The following IFI30 variants were observed in gnomAD, a reference collection of about 807,000 sequenced individuals.
The protein encoded by IFI30 is IFI30 lysosomal thiol reductase.
A neutral mutation model predicts 30.1 loss-of-function variants in IFI30; 26 were observed. That is an observed-to-expected ratio of 0.87 (90% CI 0.63 to 1.20). The LOEUF (loss-of-function observed/expected upper bound fraction) is 1.20, where lower values mean the gene tolerates loss of function less well. Ranked by LOEUF, IFI30 falls within the 50% of genes most tolerant of loss-of-function variation. IFI30 has a pLI of 0.00. For synonymous variants in IFI30, 149 were observed against 134.5 expected (o/e 1.11, Z -0.75); for missense variants, 296 against 312.5 (o/e 0.95, Z 0.40).
Position 18,175,068 on chromosome 19 carries a change from T to C in IFI30, c.161T>C (p.Leu54Pro), listed in dbSNP as rs755549967. ...KTGNLYLRGP[L>P]KKSNAPLVNV... The stretch of plus-strand genomic sequence containing the variant: ...GGCAATCTATACCTGCGGGGGCCCC[T>C]GAAGAAGTCCAATGCACCGCTTGTC... The change falls in exon 2 of 7, where the codon CTG (leucine) becomes CCG (proline). Residue 54 changes from leucine to proline, a missense_variant. Transcript: ENST00000407280. 3.1e-6 allele frequency: 5 copies of C among 1,613,662 alleles called. No individual in the cohort carries two copies. Among genetic ancestry groups the C allele is most frequent in the Admixed American group, 1.7e-5 (1 of 59,962 alleles).
rs749642774 is a variant in IFI30 at position 18,177,717 on chromosome 19, T to G, written c.643T>G (p.Leu215Val). The change falls in exon 6 of 7, where the codon TTG (leucine) becomes GTG (valine). Residue 215 changes from leucine to valine, a missense_variant. By Grantham distance (32) the Leu-to-Val change is conservative (BLOSUM62 1). Transcript: ENST00000407280. ...CCTGTCTTGCTTTGTGCAGAAACCC[T>G]TGGAAGATCAGACCCAGCTCCTTAC... ...VPWVTVNGKPLEDQTQLLTLV... is the reference protein window; with the variant it reads ...VPWVTVNGKPVEDQTQLLTLV... 2 of 1,613,850 alleles carry G rather than the reference T, an allele frequency of 1.2e-6. No individual in the cohort carries two copies. The highest frequency in any genetic ancestry group is 3.3e-5 in the Admixed American group (2 of 59,990).
chr19:18,177,090 G>A lies in IFI30; in HGVS notation c.484-50G>A, dbSNP rs777967633. ...CTCAGGGCTGGTGGGCGGGACCGTT[G>A]AGATAACGGGGAGGAAGCTGAGGCA... On this transcript the variant is annotated intron_variant, in intron 4 of 6. Transcript: ENST00000407280. The A allele has an allele frequency of 8.7e-6, 13 of 1,492,262 alleles. No individual in the cohort carries two copies. In the East Asian group the frequency reaches 3.0e-4, roughly 34 times the overall value. The allele number at this position is 1,492,262 out of a possible 1,614,324, so 92.4% of individuals were successfully genotyped here. A position where few individuals can be genotyped will look rare whatever the true frequency, so the allele number is the denominator to read the frequency against.
chr19:18,174,264 G>T (rs1254334087), intron 1 of IFI30: 5 of 325,476 alleles, frequency 1.5e-5, no homozygotes, highest in Non-Finnish European at 2.3e-5. Flanking sequence ...AGGAGCTGGG[G>T]TCTCCTTTTG....
At position 18,173,933 on chromosome 19, in the gene IFI30, C is replaced by A. The variant is rs778500182; in HGVS notation, c.92C>A (p.Ala31Glu). 22 of 1,551,534 alleles carry A rather than the reference C, an allele frequency of 1.4e-5. No homozygotes were observed. The highest frequency in any genetic ancestry group is 1.7e-5 in the Non-Finnish European group (19 of 1,147,270). The change falls in exon 1 of 7, where the codon GCG becomes GAG. Residue 31 changes from alanine (A) to glutamate (E), a missense_variant. Transcript: ENST00000407280. ...TAAVQASPLQ[A>E]LDFFGNGPPV... ...GCGGTGCAGGCGTCCCCTCTGCAAG[C>A]GTTAGACTTCTTTGGGAATGGGCCA... is the stretch of plus-strand genomic sequence containing the variant.
intron 3 of IFI30, 36 bp downstream of exon 3, chr19:18,175,421 A>G (rs1967257105): frequency 6.4e-7 from 1 of 1,552,422 alleles, no homozygotes; most frequent in Non-Finnish European, 8.7e-7. Flanking sequence ...GGGGTGGGGG[A>G]AAACTGTCCC....
intron 1 of IFI30, 118 bp from the exon 2 acceptor site, chr19:18,174,922 G>T: frequency 1.3e-6 from 1 of 747,588 alleles, no homozygotes. Flanking sequence ...AGTTCTGGAA[G>T]GCGTGCAAGA....
rs776818865 is a variant in IFI30 at position 18,177,169 on chromosome 19, G to A, written c.513G>A (p.Ser171=). 25 of 1,578,818 alleles carry A rather than the reference G, an allele frequency of 1.6e-5. No individual in the cohort carries two copies. The highest frequency in any genetic ancestry group is 2.1e-5 in the Non-Finnish European group (24 of 1,162,942). Residue 171 remains serine, a synonymous_variant, in exon 5 of 7, where the codon TCG becomes TCA. Coordinates refer to ENST00000407280, the MANE Select transcript of IFI30 (RefSeq NM_006332.5). ...TGCAGCTCTACGCCCCAGGGCTGTC[G>A]CCAGACACTATCATGGAGTGTGCAA... ...LCLQLYAPGL[S]PDTIMECAMG...
chr19:18,177,944 C>T lies in IFI30; in HGVS notation c.*33C>T, dbSNP rs751790931. ...TGAGCTGCGGAGAGCTCATGGAAGG[C>T]GAGTGGGAACCCGGCTGCCTGCCTT... On this transcript the variant is annotated 3_prime_UTR_variant, in exon 7 of 7. Transcript: ENST00000407280. The T allele has an allele frequency of 1.2e-5, 19 of 1,561,450 alleles. No individual in the cohort carries two copies. In the East Asian group the frequency reaches 2.1e-4, roughly 18 times the overall value.
rs764192398 is a variant in IFI30, at chr19:18,177,237, G to T, written c.581G>T (p.Arg194Leu). 25 of 1,588,188 alleles carry T rather than the reference G, an allele frequency of 1.6e-5. No individual in the cohort carries two copies. The highest frequency in any genetic ancestry group is 7.2e-5 in the Admixed American group (4 of 55,740). ...CAGCTCATGCACGCCAACGCCCAGC[G>T]GACAGATGCTCTCCAGCCACCACAC... ...GMQLMHANAQ[R>L]TDALQPPHEY... Residue 194 changes from arginine to leucine, a missense_variant, in exon 5 of 7, where the codon CGG becomes CTG. Physicochemically the swap from Arg to Leu is moderately radical, Grantham distance 102. Transcript: ENST00000407280.
At chr19:18,176,132 C>T (rs1600002659) in intron 4 of IFI30, among the ~76,000 whole-genome samples, 1 of 142,048 alleles carries the variant, frequency 7.0e-6, no homozygotes, top group East Asian at 2.0e-4. Context: ...TGAGCCACCG[C>T]ACCCAGCCCT....
At chr19:18,174,893 G>T in intron 1 of IFI30, 147 bp from the exon 2 acceptor site, 8 of 592,338 alleles carry the variant, frequency 1.4e-5, no homozygotes, top group Non-Finnish European at 1.5e-5. Flanking sequence ...AAGTCTCAAA[G>T]TCAAGATTCC....
rs374468027 is a variant in IFI30 at position 18,173,993 on chromosome 19, G to T, written c.132+20G>T. 1.0e-5 allele frequency: 16 copies of T among 1,545,852 alleles called. No homozygotes were observed. Among genetic ancestry groups the T allele is most frequent in the Non-Finnish European group, 1.3e-5 (15 of 1,144,236 alleles). On this transcript the variant is annotated intron_variant, in intron 1 of 6. Coordinates refer to ENST00000407280, the MANE Select transcript of IFI30 (RefSeq NM_006332.5). ...TACAAGGTAGGGACGGCGACAGGGCGGGCAGGCTGGAGGGAACAGGCGCCC... is the reference window on the plus strand; with the variant it reads ...TACAAGGTAGGGACGGCGACAGGGCTGGCAGGCTGGAGGGAACAGGCGCCC...
At chr19:18,174,802 T>C (rs1265268217) in intron 1 of IFI30, 1 of 459,854 alleles carries the variant, frequency 2.2e-6, no homozygotes, top group Admixed American at 3.9e-5. Context: ...AACCAGGGAG[T>C]CGGGTGTTGC....
chr19:18,175,842 TA>T, intron 4 of IFI30, 145 bp downstream of exon 4: 1 of 565,512 alleles, frequency 1.8e-6, no homozygotes, highest in South Asian at 2.4e-5. Context: ...TTATTTTATT[TA>T]TTTTTTTATT....
chr19:18,175,403 C>A lies in IFI30; in HGVS notation c.390+18C>A, dbSNP rs779188416. On this transcript the variant is annotated intron_variant, in intron 3 of 6. Coordinates refer to ENST00000407280, the MANE Select transcript of IFI30 (RefSeq NM_006332.5). ...AGGTGGAGGTGAGCGGCCCCAGGGC[C>A]CCACACTGGGGTGGGGGAAAACTGT... 1 of 1,575,208 alleles carries A rather than the reference C, an allele frequency of 6.3e-7. No individual in the cohort carries two copies. The highest frequency in any genetic ancestry group is 2.3e-5 in the East Asian group (1 of 42,734).
intron 4 of IFI30, 46 bp from the exon 5 acceptor site, chr19:18,177,094 T>C (rs1347098745): frequency 6.7e-7 from 1 of 1,497,072 alleles, no homozygotes; most frequent in Admixed American, 2.1e-5. Context: ...ACCGTTGAGA[T>C]AACGGGGAGG....
intron 1 of IFI30, 48 bp downstream of exon 1, chr19:18,174,021 T>A: frequency 6.7e-7 from 1 of 1,501,688 alleles, no homozygotes; most frequent in Non-Finnish European, 9.0e-7. Flanking sequence ...AGGCGCCCTG[T>A]CGGGGCACGC....
chr19:18,175,719 A>C, intron 4 of IFI30, 22 bp downstream of exon 4: 1 of 1,562,748 alleles, frequency 6.4e-7, no homozygotes, highest in Non-Finnish European at 8.7e-7. Flanking sequence ...CCCTCACTCC[A>C]CCCAAGGAGG....
rs371536031 is a variant in IFI30 at position 18,177,203 on chromosome 19, C to T, written c.547C>T (p.Arg183Cys). The change falls in exon 5 of 7, where the codon CGC becomes TGC. Residue 183 changes from arginine (R) to cysteine (C), a missense_variant. Transcript: ENST00000407280. ...TATCATGGAGTGTGCAATGGGGGACCGCGGCATGCAGCTCATGCACGCCAA... is the reference window on the plus strand; with the variant it reads ...TATCATGGAGTGTGCAATGGGGGACTGCGGCATGCAGCTCATGCACGCCAA... Reference protein sequence around the residue: ...DTIMECAMGDRGMQLMHANAQ... With the variant: ...DTIMECAMGDCGMQLMHANAQ... The T allele has an allele frequency of 1.7e-5, 27 of 1,587,330 alleles. No homozygotes were observed. The highest frequency in any genetic ancestry group is 6.7e-5 in the African/African-American group (5 of 74,448).
Sources: allele counts gnomAD v4.1 joint callset (sites outside exome capture counted in the v4.1 genomes callset), GRCh38; gene constraint gnomAD v4.1.1; transcripts MANE v1.5; gene names NCBI Gene and HGNC (gene_info 2026-07-23, HGNC 2026-07-21).